Variants in NFATC2 observed in about 807,000 individuals in gnomAD.
NFATC2 encodes the protein nuclear factor of activated T-cells, cytoplasmic 2.
Under a neutral mutation model 87.3 loss-of-function variants are expected in NFATC2, and 22 were observed. The ratio of observed to expected loss-of-function variants is 0.25; its 90% CI spans 0.18 to 0.36. NFATC2 has a LOEUF of 0.36. Ranked by LOEUF, NFATC2 falls within the 10% of genes least tolerant of loss-of-function variation. The pLI, the probability that NFATC2 is intolerant of heterozygous loss-of-function variation, is 1.00. For missense variants in NFATC2, 1,149 were observed against 1,259.1 expected, an observed-to-expected ratio of 0.91 and a Z score of 1.32; for synonymous variants, 565 against 542.2, an observed-to-expected ratio of 1.04 and a Z score of -0.58.
intron 1 of NFATC2, among the ~76,000 whole-genome samples, chr20:51,553,109 C>T (rs114412725): frequency 0.018 from 2,687 of 152,246 alleles, 70 homozygotes; most frequent in African/African-American, 0.061. Context: ...GATCCCGCCA[C>T]TCCAGGCCTA....
At position 51,391,201 on chromosome 20, in the gene NFATC2, C is replaced by T. The variant is rs762824164; in HGVS notation, c.*295G>A. ...TGCTCTCTGGGATTTAAAACATAAA[C>T]CGAAAAGAAGAGTTCTCTCTGGTGT... On this transcript the variant is annotated 3_prime_UTR_variant, in exon 11 of 11. Transcript: ENST00000371564. 1.4e-6 allele frequency: 1 copy of T among 703,244 alleles called. No individual in the cohort carries two copies. Among genetic ancestry groups the T allele is most frequent in the South Asian group, 1.5e-5 (1 of 67,562 alleles). The allele number at this position is 703,244 out of a possible 1,614,324, so 43.6% of individuals were successfully genotyped here.
Position 51,523,298 on chromosome 20 carries a change from G to A in NFATC2, c.943C>T (p.Pro315Ser). The stretch of plus-strand genomic sequence containing the variant: ...CACATCTTGGGGGGGATCCCACAAG[G>A]CGAGTCCGTGGCGAGGCTGTTCAGG... Reference protein sequence around the residue: ...DALNSLATDSPCGIPPKMWKT... With the variant: ...DALNSLATDSSCGIPPKMWKT... The change falls in exon 2 of 11, where the codon CCT (proline) becomes TCT (serine). Residue 315 changes from proline (P) to serine (S), a missense_variant. By Grantham distance (74) the Pro-to-Ser change is moderately conservative. Transcript: ENST00000371564. This position sits in a 1 kb window ranked among gnomAD's most constrained non-coding sequence, Gnocchi z 6.9. 2.5e-6 allele frequency: 4 copies of A among 1,613,826 alleles called. No individual in the cohort carries two copies. Among genetic ancestry groups the A allele is most frequent in the Non-Finnish European group, 3.4e-6 (4 of 1,179,838 alleles).
intron 9 of NFATC2, chr20:51,398,942 G>A: frequency 1.8e-6 from 1 of 549,294 alleles, no homozygotes; most frequent in East Asian, 3.0e-5. Context: ...GGGACTCTGT[G>A]CAAAGTGCAT....
At chr20:51,452,605 G>A (rs965425835) in intron 6 of NFATC2, among the ~76,000 whole-genome samples, 9 of 152,092 alleles carry the variant, frequency 5.9e-5, no homozygotes, top group Admixed American at 3.3e-4. Flanking sequence ...GAGACTCAAC[G>A]CTTCCACTTC....
chr20:51,432,346 G>A lies in NFATC2; in HGVS notation c.2443C>T (p.Pro815Ser), dbSNP rs747204303. The change falls in exon 9 of 11, where the codon CCC (proline) becomes TCC (serine). Residue 815 changes from proline to serine, a missense_variant. Pro to Ser is a moderately conservative substitution (Grantham distance 74, BLOSUM62 -1). Around this residue, in one of 3 missense-constraint regions of NFATC2, gnomAD observed 581 missense variants for 649.7 expected, o/e 0.89. Coordinates refer to ENST00000371564, the MANE Select transcript of NFATC2 (RefSeq NM_012340.5). This position sits in a 1 kb window ranked among gnomAD's most constrained non-coding sequence, Gnocchi z 4.6. ...QQASPVIHYS[P>S]TNQQLRCGSH... ...CCGCAGCGCAGCTGCTGGTTGGTGG[G>A]TGAGTAGTGGATCACAGGCGAGGCC... 5.0e-6 allele frequency: 8 copies of A among 1,614,100 alleles called. No homozygotes were observed. Among genetic ancestry groups the A allele is most frequent in the Non-Finnish European group, 6.8e-6 (8 of 1,180,002 alleles).
At chr20:51,511,596 C>T (rs565113311) in intron 3 of NFATC2, among the ~76,000 whole-genome samples, 57 of 152,328 alleles carry the variant, frequency 3.7e-4, no homozygotes, top group East Asian at 1.3e-3. Context: ...AGTCCTTCTC[C>T]GCCATCCATC....
chr20:51,520,788 G>T lies in NFATC2; in HGVS notation c.1160+2293C>A, dbSNP rs543486646. Reference sequence around the variant, plus strand: ...TGATTCTCCTGCCTCAGCCTCCCGAGTAGCTGGGATTACAGGCATGCAACA... The same window carrying T: ...TGATTCTCCTGCCTCAGCCTCCCGATTAGCTGGGATTACAGGCATGCAACA... On this transcript the variant is annotated intron_variant, in intron 2 of 10. Transcript: ENST00000371564. Among the ~76,000 whole-genome samples, 91 of 152,094 alleles carry T rather than the reference G, an allele frequency of 6.0e-4. 1 individual carries two copies. Among genetic ancestry groups the T allele is most frequent in the African/African-American group, 2.2e-3 (90 of 41,468 alleles).
chr20:51,537,037 A>G (rs1484949393), intron 1 of NFATC2, among the ~76,000 whole-genome samples: 5 of 152,116 alleles, frequency 3.3e-5, no homozygotes, highest in African/African-American at 1.2e-4. Flanking sequence ...CTATGCTGCT[A>G]CAGGGCCTGG....
chr20:51,394,410 G>A (rs1337843314), intron 10 of NFATC2, among the ~76,000 whole-genome samples: 2 of 151,910 alleles, frequency 1.3e-5, no homozygotes, highest in African/African-American at 4.8e-5. Context: ...CCCTCCTCTT[G>A]TCTCACCTTC....
chr20:51,506,397 G>A (rs1472871216), intron 3 of NFATC2, among the ~76,000 whole-genome samples: 3 of 152,134 alleles, frequency 2.0e-5, no homozygotes, highest in African/African-American at 7.2e-5. Flanking sequence ...TAGTCTTCTA[G>A]GAGGTTCAGA....
intron 5 of NFATC2, among the ~76,000 whole-genome samples, chr20:51,459,908 C>CA (rs990841950): frequency 6.6e-5 from 10 of 151,552 alleles, no homozygotes; most frequent in Non-Finnish European, 1.3e-4. Flanking sequence ...CAAAACAAAA[C>CA]AAAAAAAAGT....
chr20:51,484,303 C>T (rs1294735309), intron 3 of NFATC2, among the ~76,000 whole-genome samples: 1 of 152,118 alleles, frequency 6.6e-6, no homozygotes, highest in African/African-American at 2.4e-5. Context: ...GAAGCCTTCC[C>T]AGACAGCCGC....
At chr20:51,428,474 C>G (rs1982188661) in intron 9 of NFATC2, among the ~76,000 whole-genome samples, 1 of 152,188 alleles carries the variant, frequency 6.6e-6, no homozygotes, top group Non-Finnish European at 1.5e-5. Context: ...AGAAGGAGCG[C>G]CTTGGTGTTC....
At chr20:51,560,215 G>A (rs946816667) in intron 1 of NFATC2, among the ~76,000 whole-genome samples, 15 of 152,278 alleles carry the variant, frequency 9.9e-5, no homozygotes, top group African/African-American at 3.6e-4. Flanking sequence ...AACCCTGGAA[G>A]AGAGACATAA....
chr20:51,557,064 A>G (rs1490772149), intron 1 of NFATC2, among the ~76,000 whole-genome samples: 6 of 152,130 alleles, frequency 3.9e-5, no homozygotes, highest in African/African-American at 1.4e-4. Flanking sequence ...TGGACCATGG[A>G]GCCCTTAAAA....
In NFATC2 at chr20:51,391,466, AGGAG is replaced by A; in HGVS notation, c.*45-19_*45-16del. The A allele has an allele frequency of 1.2e-6, 1 of 842,014 alleles. No individual in the cohort carries two copies. The highest frequency in any genetic ancestry group is 1.4e-5 in the South Asian group (1 of 72,474). The allele number at this position is 842,014 out of a possible 1,614,324, so 52.2% of individuals were successfully genotyped here. On this transcript the variant is annotated splice_polypyrimidine_tract_variant and intron_variant, in intron 10 of 10. Coordinates refer to ENST00000371564, the MANE Select transcript of NFATC2 (RefSeq NM_012340.5). The stretch of plus-strand genomic sequence containing the variant: ...AATTTCATTAACTACAAAAGAAAAG[AGGAG>A]GGGGGGGGAGAGAGAATGGGGCAAG...
chr20:51,516,982 G>C (rs1458715306), intron 2 of NFATC2, 27 bp from the exon 3 acceptor site: 1 of 1,587,750 alleles, frequency 6.3e-7, no homozygotes, highest in Non-Finnish European at 8.6e-7. Context: ...AATCAGCCAT[G>C]TGTGCAATAA....
At chr20:51,450,675 C>A (rs12625274) in intron 6 of NFATC2, among the ~76,000 whole-genome samples, 1 of 152,104 alleles carries the variant, frequency 6.6e-6, no homozygotes, top group East Asian at 1.9e-4. Context: ...TGGACGAGTC[C>A]CCTGGATTCT....
chr20:51,562,596 AG>A lies in NFATC2; in HGVS notation c.33del (p.Cys12AlafsTer61), dbSNP rs1349755734. 1 of 1,551,374 alleles carries A rather than the reference AG, an allele frequency of 6.4e-7. No homozygotes were observed. On this transcript the variant is annotated frameshift_variant, in exon 1 of 11. Coordinates refer to the NFATC2 transcript ENST00000414705. LOFTEE classifies it high-confidence loss of function. This position sits in a 1 kb window ranked among gnomAD's most constrained non-coding sequence, Gnocchi z 5.8. ...GACCCCATGATGCGGAGGGGATGGC[AG>A]TGCCCCAGTCTGAACGCAGCCTCTC...
Sources: gnomAD v4.1 joint callset for allele counts (sites outside exome capture counted in the v4.1 genomes callset) on GRCh38, gnomAD v4.1.1 for gene constraint, gnomAD v4.1.1 regional missense constraint, Gnocchi (gnomAD v3.1) non-coding constraint, MANE v1.5 for transcripts, NCBI Gene and HGNC (gene_info 2026-07-23, HGNC 2026-07-21) for gene names.